The following SMG6 variants were observed in gnomAD, a reference collection of about 807,000 sequenced individuals.
The protein encoded by SMG6 is SMG6 nonsense mediated mRNA decay factor.
Under a neutral mutation model 142.2 loss-of-function variants are expected in SMG6, and 66 were observed. The observed-to-expected ratio is 0.46, with a 90% CI of 0.38 to 0.57. The LOEUF (loss-of-function observed/expected upper bound fraction) is 0.57. Among genes scored for constraint, SMG6 ranks in the 20% least tolerant of loss-of-function variants. The probability of loss-of-function intolerance (pLI) is 0.00; values close to 1 mark genes in which losing one functional copy is unlikely to be tolerated. For synonymous variants in SMG6, 779 were observed against 702.4 expected (o/e 1.11, Z -1.72); for missense variants, 1,793 against 1,832.0 (o/e 0.98, Z 0.39).
chr17:2,301,582 C>T (rs529575477), intron 1 of SMG6, among the ~76,000 whole-genome samples: 1 of 152,310 alleles, frequency 6.6e-6, no homozygotes, highest in African/African-American at 2.4e-5. Flanking sequence ...GTGGGTCACG[C>T]CTGTAATCCC....
At chr17:2,130,462 T>C (rs146224414) in intron 13 of SMG6, among the ~76,000 whole-genome samples, 1 of 151,876 alleles carries the variant, frequency 6.6e-6, no homozygotes, top group East Asian at 1.9e-4. Context: ...GACTAAATAT[T>C]GTAAATATGG....
At chr17:2,171,002 T>C (rs958425517) in intron 13 of SMG6, among the ~76,000 whole-genome samples, 1 of 152,154 alleles carries the variant, frequency 6.6e-6, no homozygotes, top group Non-Finnish European at 1.5e-5. Context: ...CAGCTGGGCA[T>C]GTTAGCGCAG....
chr17:2,181,039 TAC>T (rs2071790776), intron 12 of SMG6, among the ~76,000 whole-genome samples: 1 of 152,158 alleles, frequency 6.6e-6, no homozygotes, highest in Non-Finnish European at 1.5e-5. Context: ...TCAGGGGGGT[TAC>T]AGTTTTGGCA....
At chr17:2,197,934 A>G (rs566359330) in intron 10 of SMG6, among the ~76,000 whole-genome samples, 1 of 152,326 alleles carries the variant, frequency 6.6e-6, no homozygotes, top group East Asian at 1.9e-4. Context: ...TTTCTTCTAA[A>G]ACTAAAAATG....
At chr17:2,115,555 C>G (rs2069479836) in intron 13 of SMG6, among the ~76,000 whole-genome samples, 2 of 152,214 alleles carry the variant, frequency 1.3e-5, no homozygotes, top group South Asian at 4.1e-4. Flanking sequence ...ATATAATCAT[C>G]TGACTTATGA....
intron 13 of SMG6, among the ~76,000 whole-genome samples, chr17:2,136,729 CTT>C (rs80007193): frequency 6.3e-5 from 9 of 141,836 alleles, no homozygotes; most frequent in Non-Finnish European, 6.2e-5. Context: ...CCTTTTTTTC[CTT>C]TTTTTTTTTT....
At chr17:2,093,014 G>C (rs1290234165) in intron 13 of SMG6, among the ~76,000 whole-genome samples, 1 of 152,144 alleles carries the variant, frequency 6.6e-6, no homozygotes, top group Non-Finnish European at 1.5e-5. Flanking sequence ...GGCCAACATG[G>C]TGAAACCCCA....
intron 13 of SMG6, among the ~76,000 whole-genome samples, chr17:2,119,346 T>G (rs2069610557): frequency 6.6e-6 from 1 of 151,974 alleles, no homozygotes; most frequent in African/African-American, 2.4e-5. Flanking sequence ...CATGAGCCAC[T>G]GCGCCCGGCC....
intron 10 of SMG6, among the ~76,000 whole-genome samples, chr17:2,229,086 CT>C (rs963481522): frequency 6.6e-6 from 1 of 152,126 alleles, no homozygotes; most frequent in Non-Finnish European, 1.5e-5. Context: ...CGCCCACCCC[CT>C]TTTTAAGAGA....
chr17:2,083,546 T>C (rs1047305952), intron 14 of SMG6, among the ~76,000 whole-genome samples: 5 of 152,254 alleles, frequency 3.3e-5, no homozygotes, highest in Non-Finnish European at 7.3e-5. Flanking sequence ...TCTGGGATGC[T>C]GTCCACAGTC....
chr17:2,230,776 T>C (rs1281715290), intron 10 of SMG6, among the ~76,000 whole-genome samples: 1 of 152,190 alleles, frequency 6.6e-6, no homozygotes, highest in African/African-American at 2.4e-5. Context: ...CATCCTTCTC[T>C]GGCCTGCCTT....
chr17:2,086,952 G>C, intron 13 of SMG6: 1 of 1,248,402 alleles, frequency 8.0e-7, no homozygotes, highest in Non-Finnish European at 1.0e-6. Flanking sequence ...GTGCCACAGG[G>C]GACGGCCCCT....
intron 3 of SMG6, 110 bp downstream of exon 3, chr17:2,297,752 GT>G (rs934105972): frequency 6.2e-6 from 8 of 1,298,420 alleles, no homozygotes; most frequent in Non-Finnish European, 8.5e-6. Context: ...GAAAAGGGCA[GT>G]TTTTTTGTCG....
At chr17:2,211,700 T>G (rs988210909) in intron 10 of SMG6, among the ~76,000 whole-genome samples, 1 of 150,376 alleles carries the variant, frequency 6.6e-6, no homozygotes, top group African/African-American at 2.4e-5. Flanking sequence ...TCTTTGACCT[T>G]CAGTCTTGGC....
chr17:2,159,596 C>G (rs1227851036), intron 13 of SMG6, among the ~76,000 whole-genome samples: 3 of 152,136 alleles, frequency 2.0e-5, no homozygotes. Flanking sequence ...AGGGTGTAAT[C>G]ACTTCAAAAA....
At chr17:2,094,560 A>G (rs1393669999) in intron 13 of SMG6, among the ~76,000 whole-genome samples, 1 of 151,908 alleles carries the variant, frequency 6.6e-6, no homozygotes, top group Non-Finnish European at 1.5e-5. Context: ...ATTTTATTCT[A>G]AGATGGGGTC....
chr17:2,216,705 C>T (rs2073030298), intron 10 of SMG6, among the ~76,000 whole-genome samples: 2 of 152,052 alleles, frequency 1.3e-5, no homozygotes, highest in Non-Finnish European at 1.5e-5. Context: ...TGGAGTTAGC[C>T]TTGAACATTG....
At chr17:2,127,724 T>C in intron 13 of SMG6, 1 of 563,508 alleles carries the variant, frequency 1.8e-6, no homozygotes, top group Non-Finnish European at 3.5e-6. Context: ...ACTTCATCCA[T>C]TACTTGTTTT....
intron 10 of SMG6, among the ~76,000 whole-genome samples, chr17:2,224,132 T>A (rs2073251857): frequency 6.6e-6 from 1 of 152,144 alleles, no homozygotes; most frequent in Admixed American, 6.5e-5. Context: ...GGTCAGAGAT[T>A]GAATAAAGAT....
Sources: gnomAD v4.1 joint callset for allele counts (sites outside exome capture counted in the v4.1 genomes callset) on GRCh38, gnomAD v4.1.1 for gene constraint, MANE v1.5 for transcripts, NCBI Gene and HGNC (gene_info 2026-07-23, HGNC 2026-07-21) for gene names.